SLC12A9: variants seen among roughly 807,000 people sequenced by gnomAD.
SLC12A9 encodes the protein CCC-interacting protein 1.
SLC12A9 carries 55 observed loss-of-function variants against 66.0 expected under a neutral mutation model. That is an observed-to-expected ratio of 0.83 (90% confidence interval 0.67 to 1.04). The LOEUF (loss-of-function observed/expected upper bound fraction) is 1.04. Ranked by LOEUF, SLC12A9 falls within the 50% of genes least tolerant of loss-of-function variation. SLC12A9 has a pLI of 0.00. For missense variants in SLC12A9, 1,061 were observed against 1,241.9 expected, an observed-to-expected ratio of 0.85 and a Z score of 2.19; for synonymous variants, 577 against 569.0, an observed-to-expected ratio of 1.01 and a Z score of -0.20.
Position 100,857,052 on chromosome 7 carries a change from T to C in SLC12A9, c.633T>C (p.Phe211=). ...CCCTGGCCTCTGTGCTCATCAGTTT[T>C]GTGGCTGTGGGGCCGAGGGACATCC... The part of the protein sequence containing the change: ...SGSLASVLIS[F]VAVGPRDIRL... Residue 211 remains phenylalanine (F), a synonymous_variant, in exon 5 of 14, where the codon TTT becomes TTC. Coordinates refer to ENST00000354161, the MANE Select transcript of SLC12A9 (RefSeq NM_020246.4). 1 of 1,614,232 alleles carries C rather than the reference T, an allele frequency of 6.2e-7. No homozygotes were observed. Among genetic ancestry groups the C allele is most frequent in the Non-Finnish European group, 8.5e-7 (1 of 1,180,026 alleles).
At chr7:100,846,893 A>G (rs1337838157) in intron 1 of SLC12A9, among the ~76,000 whole-genome samples, 1 of 152,196 alleles carries the variant, frequency 6.6e-6, no homozygotes, top group African/African-American at 2.4e-5. Context: ...TATGTTATCT[A>G]TAGATTATAG....
chr7:100,835,564 C>G (rs2571609), intron 1 of SLC12A9, among the ~76,000 whole-genome samples: 1 of 150,910 alleles, frequency 6.6e-6, no homozygotes, highest in Non-Finnish European at 1.5e-5. Flanking sequence ...GCAGGAGAAT[C>G]GCTTGAACCC....
At chr7:100,852,304 G>A (rs2116569800), upstream of SLC12A9, among the ~76,000 whole-genome samples, 1 of 152,288 alleles carries the variant, frequency 6.6e-6, no homozygotes, top group Non-Finnish European at 1.5e-5. Context: ...GAGGTTCTAG[G>A]GTTTTGAGAG....
At chr7:100,864,644 A>C (rs890829515) in intron 13 of SLC12A9, among the ~76,000 whole-genome samples, 2 of 152,098 alleles carry the variant, frequency 1.3e-5, no homozygotes, top group Non-Finnish European at 2.9e-5. Context: ...GGTGGCTCAG[A>C]GTGTGGCCTC....
chr7:100,865,439 T>C, intron 13 of SLC12A9: 3 of 1,536,092 alleles, frequency 2.0e-6, no homozygotes, highest in Non-Finnish European at 2.6e-6. Context: ...CTCCATAGAA[T>C]TGGAGTGCTC....
rs1261435975 is a variant in SLC12A9 at position 100,827,165 on chromosome 7, G to A, written n.228+118G>A. 13 of 894,082 alleles carry A rather than the reference G, an allele frequency of 1.5e-5. No homozygotes were observed. In the Admixed American group the frequency reaches 4.8e-4, roughly 33 times the overall value. 55.4% of individuals were successfully genotyped at this position (894,082 alleles called of 1,614,324 possible). Reference sequence around the variant, plus strand: ...GTCGGGGCCCTCAGCGCGGGCCCATGCGAGCGTGCGGGGCACCGGGCGGCG... The same window carrying A: ...GTCGGGGCCCTCAGCGCGGGCCCATACGAGCGTGCGGGGCACCGGGCGGCG... On this transcript the variant is annotated intron_variant and non_coding_transcript_variant, in intron 1 of 1. Coordinates refer to the SLC12A9 transcript ENST00000461016.
intron 6 of SLC12A9, 25 bp from the exon 7 acceptor site, chr7:100,859,025 C>T (rs751288357): frequency 1.2e-6 from 2 of 1,611,808 alleles, no homozygotes; most frequent in Non-Finnish European, 1.7e-6. Context: ...GGGCTGACCT[C>T]ACTCCCTCTG....
At position 100,854,426 on chromosome 7, in the gene SLC12A9, C is replaced by G. The variant is rs373607797; in HGVS notation, c.181+48C>G. The stretch of plus-strand genomic sequence containing the variant: ...GTGGACTGACTATAGTATGGGAGGA[C>G]ATGATGGGGAGGGGTGGAGATGGGA... On this transcript the variant is annotated intron_variant, in intron 2 of 13. Coordinates refer to ENST00000354161, the MANE Select transcript of SLC12A9 (RefSeq NM_020246.4). The G allele has an allele frequency of 8.8e-6, 14 of 1,598,232 alleles. No individual in the cohort carries two copies. In the African/African-American group the frequency reaches 1.6e-4, roughly 19 times the overall value.
chr7:100,858,804 T>G, intron 5 of SLC12A9, 31 bp from the exon 6 acceptor site: 1 of 1,608,456 alleles, frequency 6.2e-7, no homozygotes, highest in South Asian at 1.1e-5. Context: ...CGGATGCTGA[T>G]GCACTCTCCT....
At position 100,859,292 on chromosome 7, in the gene SLC12A9, T is replaced by C. The variant is rs938326068; in HGVS notation, c.977+131T>C. The C allele has an allele frequency of 4.9e-6, 4 of 816,044 alleles. No individual in the cohort carries two copies. In the African/African-American group the frequency reaches 6.7e-5, roughly 14 times the overall value. 50.6% of individuals were successfully genotyped at this position (816,044 alleles called of 1,614,324 possible). ...GGGGTGGAGGGTGGCTACCGGCGATTGACAACCTATAGCCAGCAGCTGCCA... is the reference window on the plus strand; with the variant it reads ...GGGGTGGAGGGTGGCTACCGGCGATCGACAACCTATAGCCAGCAGCTGCCA... On this transcript the variant is annotated intron_variant, in intron 7 of 13. Coordinates refer to ENST00000354161, the MANE Select transcript of SLC12A9 (RefSeq NM_020246.4).
At chr7:100,857,334 C>T (rs1350429508) in intron 5 of SLC12A9, 158 bp downstream of exon 5, 12 of 848,166 alleles carry the variant, frequency 1.4e-5, no homozygotes, top group Non-Finnish European at 2.1e-5. Context: ...GCCTGTCTAG[C>T]GTGTGCTTGG....
chr7:100,866,484 G>C lies in SLC12A9; in HGVS notation c.2624G>C (p.Arg875Pro). ...ITALTFLYLP[R>P]PPADPARYPR... The stretch of plus-strand genomic sequence containing the variant: ...GCCCTCACCTTCCTGTACTTGCCTC[G>C]GCCGCCAGCCGATCCCGCCCGATAC... Residue 875 changes from arginine to proline, a missense_variant, in exon 14 of 14, where the codon CGG becomes CCG. By Grantham distance (103) the Arg-to-Pro change is moderately radical. Coordinates refer to ENST00000354161, the MANE Select transcript of SLC12A9 (RefSeq NM_020246.4). The surrounding 1 kb of genome is among the most constrained non-coding windows in gnomAD (Gnocchi z 7.3). The C allele has an allele frequency of 6.4e-7, 1 of 1,553,500 alleles. No individual in the cohort carries two copies. The highest frequency in any genetic ancestry group is 8.7e-7 in the Non-Finnish European group (1 of 1,149,498).
chr7:100,848,613 G>A (rs7794532), upstream of SLC12A9, among the ~76,000 whole-genome samples: 55,871 of 152,024 alleles, frequency 0.37, 11,072 homozygotes, highest in Non-Finnish European at 0.46. Flanking sequence ...GAGGTTGGGC[G>A]CAGTGGTTCA....
rs747594706 is a variant in SLC12A9 at position 100,858,941 on chromosome 7, A to G, written c.864A>G (p.Ser288=). Reference sequence around the variant, plus strand: ...GCATCATGGCTGGGGCCAACATGTCAGGTGAGAGTCCCTGCCTGCTGCCTC... The same window carrying G: ...GCATCATGGCTGGGGCCAACATGTCGGGTGAGAGTCCCTGCCTGCTGCCTC... ...CTGIMAGANM[S]GELKDPSRAI... is the part of the protein sequence containing the mutation. Residue 288 remains serine, a splice_region_variant and synonymous_variant, in exon 6 of 14, where the codon TCA becomes TCG. Coordinates refer to ENST00000354161, the MANE Select transcript of SLC12A9 (RefSeq NM_020246.4). 5.0e-6 allele frequency: 8 copies of G among 1,613,970 alleles called. No individual in the cohort carries two copies. In the South Asian group the frequency reaches 8.8e-5, roughly 18 times the overall value.
At chr7:100,863,035 C>T (rs1011317146) in intron 13 of SLC12A9, among the ~76,000 whole-genome samples, 3 of 149,048 alleles carry the variant, frequency 2.0e-5, no homozygotes, top group Middle Eastern at 3.5e-3. Context: ...ATGGGGTGGG[C>T]GATGTTGTGG....
intron 3 of SLC12A9, 88 bp downstream of exon 3, chr7:100,854,842 G>A: frequency 1.3e-6 from 2 of 1,534,318 alleles, no homozygotes; most frequent in South Asian, 1.2e-5. Context: ...GTTGGCTCAG[G>A]GGCAAGACAA....
intron 1 of SLC12A9, chr7:100,837,536 G>C (rs1173694673): frequency 1.3e-5 from 2 of 152,258 alleles, no homozygotes; most frequent in Admixed American, 1.3e-4. Flanking sequence ...CACGCCCCAG[G>C]CCTCCGACTG....
intron 1 of SLC12A9, among the ~76,000 whole-genome samples, chr7:100,831,858 A>C (rs545468742): frequency 6.6e-6 from 1 of 152,270 alleles, no homozygotes; most frequent in African/African-American, 2.4e-5. Context: ...ATGAAGTTTA[A>C]GCTTCAGCAC....
At position 100,866,445 on chromosome 7, in the gene SLC12A9, AG is replaced by A; in HGVS notation, c.2588del (p.Gly863AlafsTer31). 6.5e-7 allele frequency: 1 copy of A among 1,549,866 alleles called. No homozygotes were observed. The highest frequency in any genetic ancestry group is 8.7e-7 in the Non-Finnish European group (1 of 1,146,978). ...GPGGPEGGDA[E>X]GPITALTFLY... ...GGTGGGCCGGAGGGTGGGGATGCTG[AG>A]GGCCCCATCACAGCCCTCACCTTCC... On this transcript the variant is annotated frameshift_variant, in exon 14 of 14. Coordinates refer to ENST00000354161, the MANE Select transcript of SLC12A9 (RefSeq NM_020246.4). LOFTEE classifies it high-confidence loss of function. The surrounding 1 kb of genome is among the most constrained non-coding windows in gnomAD (Gnocchi z 7.3).
Sources: allele counts gnomAD v4.1 joint callset (sites outside exome capture counted in the v4.1 genomes callset), GRCh38; gene constraint gnomAD v4.1.1; non-coding constraint Gnocchi (gnomAD v3.1); transcripts MANE v1.5; gene names NCBI Gene and HGNC (gene_info 2026-07-23, HGNC 2026-07-21).